Variants in DLG2 observed in about 807,000 individuals in gnomAD.
The protein encoded by DLG2 is discs large MAGUK scaffold protein 2.
Under a neutral mutation model 132.5 loss-of-function variants are expected in DLG2, and 45 were observed. The ratio of observed to expected loss-of-function variants is 0.34; its 90% confidence interval spans 0.27 to 0.44. DLG2 has a LOEUF of 0.44. Ranked by LOEUF, DLG2 falls within the 20% of genes least tolerant of loss-of-function variation. The pLI is 1.00. For missense variants in DLG2, 1,045 were observed against 1,196.9 expected (o/e 0.87, Z 1.87); for synonymous variants, 424 against 419.6 (o/e 1.01, Z -0.13).
intron 4 of DLG2, among the ~76,000 whole-genome samples, chr11:85,278,273 G>A (rs571286389): frequency 1.6e-4 from 25 of 152,182 alleles, no homozygotes; most frequent in Middle Eastern, 3.4e-3. Flanking sequence ...CCTACCTACC[G>A]CTTCAAATCT....
chr11:84,193,964 G>C (rs1416665230), intron 8 of DLG2, among the ~76,000 whole-genome samples: 1 of 152,184 alleles, frequency 6.6e-6, no homozygotes, highest in African/African-American at 2.4e-5. Context: ...TATGGAACAT[G>C]CTCAGGAAAT....
intron 6 of DLG2, among the ~76,000 whole-genome samples, chr11:84,780,101 A>C (rs1350837375): frequency 6.6e-6 from 1 of 152,074 alleles, no homozygotes; most frequent in African/African-American, 2.4e-5. Flanking sequence ...ATTATAAACC[A>C]ATTTTCCTAA....
intron 3 of DLG2, among the ~76,000 whole-genome samples, chr11:85,513,194 G>T (rs1250632220): frequency 6.6e-6 from 1 of 151,936 alleles, no homozygotes; most frequent in Non-Finnish European, 1.5e-5. Context: ...GATTCTAGAA[G>T]GGGAAAGGGA....
intron 3 of DLG2, among the ~76,000 whole-genome samples, chr11:85,346,216 C>G (rs569043317): frequency 6.6e-6 from 1 of 150,936 alleles, no homozygotes; most frequent in African/African-American, 2.4e-5. Flanking sequence ...GAGACAGAGT[C>G]TCGTTCTGTT....
chr11:84,192,259 A>C (rs1048837363), intron 8 of DLG2, among the ~76,000 whole-genome samples: 1 of 152,218 alleles, frequency 6.6e-6, no homozygotes, highest in African/African-American at 2.4e-5. Context: ...AACTTTTGAC[A>C]GTTGGCCTCC....
intron 3 of DLG2, among the ~76,000 whole-genome samples, chr11:85,397,786 C>T (rs751790280): frequency 5.9e-5 from 9 of 152,014 alleles, no homozygotes; most frequent in Non-Finnish European, 1.2e-4. Flanking sequence ...AGCAAGTCAT[C>T]AGAGACCTAC....
At chr11:84,881,529 C>A (rs900632570) in intron 6 of DLG2, among the ~76,000 whole-genome samples, 49 of 152,082 alleles carry the variant, frequency 3.2e-4, no homozygotes, top group African/African-American at 1.1e-3. Context: ...TATTTCTTAA[C>A]GGGGGTGCTA....
rs183791145 is a variant in DLG2, at chr11:85,559,857, T to G, written c.40+38800A>C. 5.6e-3 allele frequency among the ~76,000 whole-genome samples: 817 copies of G among 144,742 alleles called. 8 individuals carry two copies. Among genetic ancestry groups the G allele is most frequent in the African/African-American group, 0.022 (799 of 36,228 alleles). 95.0% of individuals were successfully genotyped at this position (144,742 alleles called of 152,430 possible). A position where few individuals can be genotyped will look rare whatever the true frequency, so the allele number is the denominator to read the frequency against. On this transcript the variant is annotated intron_variant, in intron 3 of 27. Transcript: ENST00000376104. ...ATAGATAGATAGATAGATAGATAGATAGAGATAAATATCCCTGGTGTAAAG... is the reference window on the plus strand; with the variant it reads ...ATAGATAGATAGATAGATAGATAGAGAGAGATAAATATCCCTGGTGTAAAG...
intron 19 of DLG2, among the ~76,000 whole-genome samples, chr11:83,625,759 TCA>T (rs1364948340): frequency 6.6e-6 from 1 of 152,182 alleles, no homozygotes; most frequent in African/African-American, 2.4e-5. Context: ...AAAGAGTTTG[TCA>T]CACAGTTTAG....
intron 9 of DLG2, among the ~76,000 whole-genome samples, chr11:84,150,869 T>C (rs749606276): frequency 6.6e-6 from 1 of 152,216 alleles, no homozygotes; most frequent in Non-Finnish European, 1.5e-5. Flanking sequence ...GATCATCATA[T>C]GAATTTTGTT....
chr11:84,339,802 C>A (rs1218441674), intron 7 of DLG2, among the ~76,000 whole-genome samples: 1 of 152,188 alleles, frequency 6.6e-6, no homozygotes, highest in East Asian at 1.9e-4. Context: ...GCTACATGTA[C>A]TTCTTAGACC....
intron 2 of DLG2, among the ~76,000 whole-genome samples, chr11:85,604,910 A>G (rs749315792): frequency 6.6e-6 from 1 of 152,218 alleles, no homozygotes; most frequent in Non-Finnish European, 1.5e-5. Flanking sequence ...AGTGCTAACA[A>G]ATGAACTTTT....
chr11:84,875,034 A>G (rs2086117960), intron 6 of DLG2, among the ~76,000 whole-genome samples: 1 of 151,914 alleles, frequency 6.6e-6, no homozygotes. Context: ...AAAAAAAAAA[A>G]AAAAGAGAAA....
intron 21 of DLG2, among the ~76,000 whole-genome samples, chr11:83,521,367 T>A (rs1337671184): frequency 1.3e-5 from 2 of 152,248 alleles, no homozygotes; most frequent in African/African-American, 4.8e-5. Flanking sequence ...CTAAAATTAG[T>A]TTCAATTTTA....
chr11:84,157,191 TAACTG>T (rs67664127), intron 9 of DLG2, among the ~76,000 whole-genome samples: 5,250 of 152,248 alleles, frequency 0.034, 135 homozygotes, highest in Non-Finnish European at 0.055. Flanking sequence ...ATACATTTCT[TAACTG>T]AACTCCAAAG....
intron 3 of DLG2, among the ~76,000 whole-genome samples, chr11:85,557,271 G>A (rs1266268986): frequency 1.3e-5 from 2 of 151,680 alleles, no homozygotes; most frequent in Non-Finnish European, 2.9e-5. Flanking sequence ...ATCTCTGCAA[G>A]GAAAACTACA....
At chr11:84,119,503 CACAT>C (rs2093801152) in intron 9 of DLG2, among the ~76,000 whole-genome samples, 1 of 151,580 alleles carries the variant, frequency 6.6e-6, no homozygotes, top group African/African-American at 2.4e-5. Flanking sequence ...TTCATACACA[CACAT>C]ACGAATCACA....
chr11:84,735,986 G>A (rs770610829), intron 6 of DLG2, among the ~76,000 whole-genome samples: 4 of 151,706 alleles, frequency 2.6e-5, no homozygotes, highest in Non-Finnish European at 4.4e-5. Flanking sequence ...TTTAACCCAA[G>A]GTCACAAAGA....
At chr11:84,004,568 G>A (rs904887787) in intron 11 of DLG2, among the ~76,000 whole-genome samples, 6 of 151,902 alleles carry the variant, frequency 3.9e-5, no homozygotes, top group African/African-American at 1.2e-4. Context: ...AAAACTCTTA[G>A]ATCTAATAAA....
Sources: allele counts gnomAD v4.1 joint callset (sites outside exome capture counted in the v4.1 genomes callset), GRCh38; gene constraint gnomAD v4.1.1; transcripts MANE v1.5; gene names NCBI Gene and HGNC (gene_info 2026-07-23, HGNC 2026-07-21).